KCP: variants seen among roughly 807,000 people sequenced by gnomAD.
KCP encodes kielin cysteine rich BMP regulator.
In KCP, 194 loss-of-function variants were observed where a neutral mutation model predicts 212.7. That is an observed-to-expected ratio of 0.91 (90% CI 0.81 to 1.03). The LOEUF (loss-of-function observed/expected upper bound fraction) is 1.03, where lower values mean the gene tolerates loss of function less well. Among genes scored for constraint, KCP ranks in the 50% least tolerant of loss-of-function variants. The probability of loss-of-function intolerance (pLI) is 0.00; values close to 1 mark genes in which losing one functional copy is unlikely to be tolerated. For synonymous variants in KCP, 833 were observed against 865.3 expected (o/e 0.96, Z 0.65); for missense variants, 2,080 against 2,162.5 (o/e 0.96, Z 0.76).
At chr7:128,908,212 A>G (rs1421448059) in intron 2 of KCP, among the ~76,000 whole-genome samples, 2 of 144,822 alleles carry the variant, frequency 1.4e-5, no homozygotes, top group Non-Finnish European at 3.0e-5. Context: ...AAAAAAAAAG[A>G]AAGGAAGGAG....
rs1341119744 is a variant in KCP, at chr7:128,908,156, AGAAAGAG to A, written c.219+263_219+269del. The stretch of plus-strand genomic sequence containing the variant: ...AAAAAAAAAAAAGAAAGAGAGAGAG[AGAAAGAG>A]AGAAGAAGGATGGAAGGAAGGAAGG... On this transcript the variant is annotated intron_variant, in intron 2 of 39. Coordinates refer to ENST00000610776, the MANE Select transcript of KCP (RefSeq NM_001366122.1). 8.2e-4 allele frequency among the ~76,000 whole-genome samples: 108 copies of A among 132,310 alleles called. 4 individuals carry two copies. The highest frequency in any genetic ancestry group is 1.5e-3 in the Non-Finnish European group (95 of 64,584). 86.8% of individuals were successfully genotyped at this position (132,310 alleles called of 152,430 possible).
intron 8 of KCP, among the ~76,000 whole-genome samples, chr7:128,894,993 CA>C (rs1794429955): frequency 6.6e-6 from 1 of 152,144 alleles, no homozygotes; most frequent in South Asian, 2.1e-4. Context: ...TCAGGTGCTG[CA>C]GAAGCCAAGG....
chr7:128,879,265 CTG>C (rs1255055124), intron 37 of KCP: 3 of 510,914 alleles, frequency 5.9e-6, no homozygotes, highest in Admixed American at 3.3e-5. Context: ...GACGAGAAAT[CTG>C]TGGCCCAGAG....
chr7:128,880,352 G>GAACC, intron 34 of KCP, 34 bp downstream of exon 34: 2 of 1,488,750 alleles, frequency 1.3e-6, no homozygotes, highest in Non-Finnish European at 1.8e-6. Context: ...CCCCCACCCT[G>GAACC]ACCCTCCCCA....
At chr7:128,880,357 T>C in intron 34 of KCP, 29 bp downstream of exon 34, 31 of 782,356 alleles carry the variant, frequency 4.0e-5, no homozygotes, top group Non-Finnish European at 5.0e-5. Context: ...ACCCTGACCC[T>C]CCCCACCATT....
At position 128,890,331 on chromosome 7, in the gene KCP, C is replaced by T; in HGVS notation, c.2335+12G>A. ...ATCCCACCCCGGCAGCTCCCTATCC[C>T]ATGACCCTCACCATCACAGTCAGGG... On this transcript the variant is annotated intron_variant, in intron 21 of 39. Coordinates refer to ENST00000610776, the MANE Select transcript of KCP (RefSeq NM_001366122.1). 6.4e-7 allele frequency: 1 copy of T among 1,551,576 alleles called. No individual in the cohort carries two copies. The highest frequency in any genetic ancestry group is 8.7e-7 in the Non-Finnish European group (1 of 1,146,998).
At position 128,881,973 on chromosome 7, in the gene KCP, T is replaced by C; in HGVS notation, c.3288A>G (p.Leu1096=). ...ACGTGTAGCAGGGGTCTGGTGGGGCTAGCTCAGATCCCAGCAGGCCCTCTG... is the reference window on the plus strand; with the variant it reads ...ACGTGTAGCAGGGGTCTGGTGGGGCCAGCTCAGATCCCAGCAGGCCCTCTG... The part of the protein sequence containing the change: ...NCSEGLLGSE[L]APPDPCYTCQ... Residue 1096 remains leucine (L), a synonymous_variant, in exon 30 of 40, where the codon CTA becomes CTG. Transcript: ENST00000610776. 6.4e-7 allele frequency: 1 copy of C among 1,551,264 alleles called. No individual in the cohort carries two copies. The highest frequency in any genetic ancestry group is 8.7e-7 in the Non-Finnish European group (1 of 1,146,954).
intron 37 of KCP, chr7:128,879,092 G>C (rs183357398): frequency 2.8e-6 from 1 of 362,080 alleles, no homozygotes; most frequent in Non-Finnish European, 5.1e-6. Flanking sequence ...GATTAGAAGT[G>C]TACACCCTTA....
In KCP at chr7:128,881,629, G is replaced by A. The variant is rs531301207; in HGVS notation, c.3421C>T (p.Arg1141Trp). 108 of 1,493,028 alleles carry A rather than the reference G, an allele frequency of 7.2e-5. No individual in the cohort carries two copies. The African/African-American group carries it at 8.7e-4, about 12-fold the overall frequency. The allele number at this position is 1,493,028 out of a possible 1,614,324, so 92.5% of individuals were successfully genotyped here. Reference protein sequence around the residue: ...TPPGSCCPVCRECVVEAEGRR... With the variant: ...TPPGSCCPVCWECVVEAEGRR... ...GAGGCCAAGGCTGGGCACTTACCCC[G>A]GCATACGGGGCAGCAGCTCCCAGGG... Residue 1141 changes from arginine to tryptophan, a missense_variant, in exon 31 of 40, where the codon CGG becomes TGG. Transcript: ENST00000610776.
At chr7:128,896,719 C>T (rs912431514) in intron 8 of KCP, among the ~76,000 whole-genome samples, 98 of 151,904 alleles carry the variant, frequency 6.5e-4, no homozygotes, top group African/African-American at 2.1e-3. Flanking sequence ...GGTGAAACTC[C>T]GTCTCTACTA....
rs569075141 is a variant in KCP, at chr7:128,907,069, G to A, written c.486+32C>T. 3 of 1,543,204 alleles carry A rather than the reference G, an allele frequency of 1.9e-6. No homozygotes were observed. The African/African-American group carries it at 4.1e-5, about 21-fold the overall frequency. On this transcript the variant is annotated intron_variant, in intron 4 of 39. Transcript: ENST00000610776. ...GGTAGCTGGAGAGAGGCAGACAGGTGAGGGATATCCAGGTAGGTCCTGGGA... is the reference window on the plus strand; with the variant it reads ...GGTAGCTGGAGAGAGGCAGACAGGTAAGGGATATCCAGGTAGGTCCTGGGA...
intron 8 of KCP, among the ~76,000 whole-genome samples, chr7:128,896,788 G>T (rs1252216629): frequency 6.6e-6 from 1 of 151,238 alleles, no homozygotes; most frequent in African/African-American, 2.4e-5. Context: ...CTACTTGGGA[G>T]GCTGAGGCAG....
At chr7:128,896,447 G>A (rs1794528188) in intron 8 of KCP, among the ~76,000 whole-genome samples, 1 of 152,172 alleles carries the variant, frequency 6.6e-6, no homozygotes, top group Non-Finnish European at 1.5e-5. Flanking sequence ...ACTACGGGAT[G>A]TTAACTGCTA....
intron 27 of KCP, 39 bp downstream of exon 27, chr7:128,885,058 C>T: frequency 1.9e-6 from 3 of 1,549,742 alleles, no homozygotes; most frequent in Non-Finnish European, 2.6e-6. Context: ...CCCAGGGCTC[C>T]CTCCTCGCCT....
At position 128,903,345 on chromosome 7, in the gene KCP, C is replaced by T. The variant is rs74422342; in HGVS notation, c.748+382G>A. 2,130 of 287,480 alleles carry T rather than the reference C, an allele frequency of 7.4e-3. 54 individuals are homozygous for T. Among genetic ancestry groups the T allele is most frequent in the African/African-American group, 0.044 (1,975 of 45,314 alleles). The allele number at this position is 287,480 out of a possible 1,614,324, so 17.8% of individuals were successfully genotyped here. A position where few individuals can be genotyped will look rare whatever the true frequency, so the allele number is the denominator to read the frequency against. ...GGATTCGGTCTCCTTCCTCTGAATT[C>T]GCACACTAGCTGGTGCCTGCTTCTA... On this transcript the variant is annotated intron_variant, in intron 7 of 39. Transcript: ENST00000610776.
rs369396004 is a variant in KCP, at chr7:128,903,022, G to A, written c.749-163C>T. On this transcript the variant is annotated intron_variant, in intron 7 of 39. Transcript: ENST00000610776. ...CCTAGATTCCCCAGTGGCTCCCAGT[G>A]CCCCAGGCAGGGTGAGGCCTCAGTT... The A allele has an allele frequency of 1.6e-3, 1,007 of 624,328 alleles. 12 individuals carry two copies. In the African/African-American group the frequency reaches 0.016, roughly 10 times the overall value. 38.7% of individuals were successfully genotyped at this position (624,328 alleles called of 1,614,324 possible). A position where few individuals can be genotyped will look rare whatever the true frequency, so the allele number is the denominator to read the frequency against.
chr7:128,898,118 C>T (rs777881463), intron 8 of KCP, among the ~76,000 whole-genome samples: 6 of 151,786 alleles, frequency 4.0e-5, no homozygotes, highest in Admixed American at 6.6e-5. Flanking sequence ...TGCAATGGTG[C>T]GATCTTGGCT....
rs187384835 is a variant in KCP at position 128,888,786 on chromosome 7, G to A, written c.2512+77C>T. ...TGGAGCGGCAGGCAGTGGGAGGGCT[G>A]GGAGGAAAGTGGAATCGGTGAGAAA... On this transcript the variant is annotated intron_variant, in intron 22 of 39. Coordinates refer to ENST00000610776, the MANE Select transcript of KCP (RefSeq NM_001366122.1). 5 of 1,369,470 alleles carry A rather than the reference G, an allele frequency of 3.7e-6. No homozygotes were observed. In the East Asian group the frequency reaches 1.0e-4, roughly 28 times the overall value. 84.8% of individuals were successfully genotyped at this position (1,369,470 alleles called of 1,614,324 possible).
chr7:128,885,466 G>A (rs1241269416), intron 26 of KCP, among the ~76,000 whole-genome samples, 196 bp from the exon 27 acceptor site: 1 of 152,184 alleles, frequency 6.6e-6, no homozygotes, highest in Non-Finnish European at 1.5e-5. Context: ...GAACACCTGG[G>A]TTCTAATCCT....
Sources: allele counts gnomAD v4.1 joint callset (sites outside exome capture counted in the v4.1 genomes callset), GRCh38; gene constraint gnomAD v4.1.1; transcripts MANE v1.5; gene names NCBI Gene and HGNC (gene_info 2026-07-23, HGNC 2026-07-21).